The following NKAIN3 variants were observed in gnomAD, a reference collection of about 807,000 sequenced individuals.
The protein encoded by NKAIN3 is sodium/potassium-transporting ATPase subunit beta-1-interacting protein 3.
In NKAIN3, 25 loss-of-function variants were observed where a neutral mutation model predicts 30.2. The ratio of observed to expected loss-of-function variants is 0.83; its 90% CI spans 0.60 to 1.16. NKAIN3 has a LOEUF of 1.16. NKAIN3 is among the 50% of genes most tolerant of loss of function. The pLI is 0.00. For synonymous variants in NKAIN3, 91 were observed against 89.6 expected (o/e 1.02, Z -0.09); for missense variants, 225 against 254.1 (o/e 0.89, Z 0.78).
intron 1 of NKAIN3, among the ~76,000 whole-genome samples, chr8:62,389,333 C>T (rs13275373): frequency 0.6 from 90,591 of 151,920 alleles, 28,329 homozygotes; most frequent in East Asian, 0.68. Flanking sequence ...TTATTTGTGG[C>T]GAGAAAATTT....
chr8:62,991,222 G>A (rs1824313695), intron 5 of NKAIN3, among the ~76,000 whole-genome samples: 1 of 152,192 alleles, frequency 6.6e-6, no homozygotes, highest in Non-Finnish European at 1.5e-5. Flanking sequence ...GAGCCTTGTA[G>A]ATCAAGGCAA....
At chr8:62,875,038 C>T (rs1820752620) in intron 4 of NKAIN3, among the ~76,000 whole-genome samples, 1 of 152,154 alleles carries the variant, frequency 6.6e-6, no homozygotes, top group Non-Finnish European at 1.5e-5. Context: ...TCTCTGTTTG[C>T]AGACAACATG....
chr8:62,508,468 C>T (rs1174429678), intron 1 of NKAIN3, among the ~76,000 whole-genome samples: 1 of 152,144 alleles, frequency 6.6e-6, no homozygotes, highest in Non-Finnish European at 1.5e-5. Context: ...TCCCATTCAC[C>T]CTCAAGTTAG....
chr8:62,284,832 T>G (rs916520642), intron 1 of NKAIN3, among the ~76,000 whole-genome samples: 12 of 152,024 alleles, frequency 7.9e-5, no homozygotes, highest in Admixed American at 2.6e-4. Flanking sequence ...ATTACCTAAA[T>G]GCAGGTGAAC....
intron 1 of NKAIN3, among the ~76,000 whole-genome samples, chr8:62,285,598 G>C (rs1295625223): frequency 6.6e-6 from 1 of 152,112 alleles, no homozygotes; most frequent in Non-Finnish European, 1.5e-5. Context: ...GTTTTCCTCA[G>C]AGTGACTCTC....
At chr8:62,444,977 C>T (rs557949578) in intron 1 of NKAIN3, among the ~76,000 whole-genome samples, 6 of 152,090 alleles carry the variant, frequency 3.9e-5, no homozygotes, top group South Asian at 4.1e-4. Context: ...GACAGAGTCT[C>T]GCTCTGTCAC....
In NKAIN3 at chr8:62,742,765, A is replaced by G. The variant is rs1338937287; in HGVS notation, c.274-4167A>G. Among the ~76,000 whole-genome samples, 2 of 152,230 alleles carry G rather than the reference A, an allele frequency of 1.3e-5. 1 individual carries two copies. The highest frequency in any genetic ancestry group is 2.9e-5 in the Non-Finnish European group (2 of 68,032). On this transcript the variant is annotated intron_variant, in intron 3 of 6. Coordinates refer to ENST00000623646, the MANE Select transcript of NKAIN3 (RefSeq NM_001304533.3). ...TTGATTTATGGTTTAGCATTAACCCATTGTATTAGTCTGTTCTCACACTGC... is the reference window on the plus strand; with the variant it reads ...TTGATTTATGGTTTAGCATTAACCCGTTGTATTAGTCTGTTCTCACACTGC...
intron 1 of NKAIN3, among the ~76,000 whole-genome samples, chr8:62,459,649 G>T (rs534642522): frequency 6.6e-6 from 1 of 152,308 alleles, no homozygotes; most frequent in East Asian, 1.9e-4. Context: ...CTTTAGTAAG[G>T]TCAAGAAAAG....
chr8:62,753,610 G>A (rs1385333188), intron 4 of NKAIN3, among the ~76,000 whole-genome samples: 1 of 152,036 alleles, frequency 6.6e-6, no homozygotes, highest in Non-Finnish European at 1.5e-5. Context: ...CCTGATGTAT[G>A]CAAGTTAACT....
At chr8:62,895,913 G>T (rs984437309) in intron 4 of NKAIN3, among the ~76,000 whole-genome samples, 1 of 151,846 alleles carries the variant, frequency 6.6e-6, no homozygotes, top group African/African-American at 2.4e-5. Flanking sequence ...TCTCAAATGA[G>T]CCTCACTTGT....
Position 62,723,276 on chromosome 8 carries a change from A to G in NKAIN3, c.274-23656A>G, listed in dbSNP as rs143907387. 1.8e-4 allele frequency among the ~76,000 whole-genome samples: 27 copies of G among 152,260 alleles called. No homozygotes were observed. In the East Asian group the frequency reaches 5.2e-3, roughly 29 times the overall value. The stretch of plus-strand genomic sequence containing the variant: ...TACCTAAGTTGAAAAATAAGCATAT[A>G]TTCTTCCCAGGTGGTAAATTTAACA... On this transcript the variant is annotated intron_variant, in intron 3 of 6. Transcript: ENST00000623646.
intron 3 of NKAIN3, among the ~76,000 whole-genome samples, chr8:62,662,399 A>G (rs1007583094): frequency 1.6e-4 from 24 of 152,300 alleles, no homozygotes; most frequent in African/African-American, 5.8e-4. Context: ...CTTCTCTTGA[A>G]AGTGCACGTC....
chr8:62,826,863 T>C (rs1411763309), intron 4 of NKAIN3, among the ~76,000 whole-genome samples: 1 of 152,220 alleles, frequency 6.6e-6, no homozygotes, highest in Non-Finnish European at 1.5e-5. Context: ...ACTATAGTCA[T>C]TGTTTCAAAT....
rs143733242 is a variant in NKAIN3, at chr8:62,360,944, T to C, written c.54+111817T>C. 2.6e-5 allele frequency among the ~76,000 whole-genome samples: 4 copies of C among 152,152 alleles called. No individual in the cohort carries two copies. The East Asian group carries it at 7.7e-4, about 29-fold the overall frequency. ...TTGTCAGAAACTGGGTTTTGTTTTATCTTCCTATTATGAAAGAGGGAATGA... is the reference window on the plus strand; with the variant it reads ...TTGTCAGAAACTGGGTTTTGTTTTACCTTCCTATTATGAAAGAGGGAATGA... On this transcript the variant is annotated intron_variant, in intron 1 of 6. Transcript: ENST00000623646.
At chr8:62,718,307 G>T (rs1473349252) in intron 3 of NKAIN3, among the ~76,000 whole-genome samples, 1 of 152,026 alleles carries the variant, frequency 6.6e-6, no homozygotes, top group Non-Finnish European at 1.5e-5. Flanking sequence ...ATAAACAGAA[G>T]GATTATTTAT....
At chr8:62,590,952 G>A (rs996331972) in intron 3 of NKAIN3, among the ~76,000 whole-genome samples, 3 of 151,836 alleles carry the variant, frequency 2.0e-5, no homozygotes, top group Non-Finnish European at 2.9e-5. Context: ...TTGTGCTAGC[G>A]ATTGTAGTTC....
intron 3 of NKAIN3, among the ~76,000 whole-genome samples, chr8:62,699,371 G>T (rs180785556): frequency 1.3e-5 from 2 of 152,254 alleles, no homozygotes; most frequent in East Asian, 1.9e-4. Flanking sequence ...AACTTTGAAT[G>T]ATGACCAATT....
intron 5 of NKAIN3, among the ~76,000 whole-genome samples, chr8:62,918,912 C>A (rs1322871012): frequency 6.7e-6 from 1 of 149,464 alleles, no homozygotes; most frequent in Admixed American, 6.7e-5. Context: ...TAATACATTA[C>A]AGAAAGATCT....
At chr8:62,312,367 A>G (rs1390704629) in intron 1 of NKAIN3, among the ~76,000 whole-genome samples, 1 of 150,692 alleles carries the variant, frequency 6.6e-6, no homozygotes, top group Non-Finnish European at 1.5e-5. Flanking sequence ...TAAGCAAAAA[A>G]TATTGATGAG....
Sources: allele counts gnomAD v4.1 joint callset (sites outside exome capture counted in the v4.1 genomes callset), GRCh38; gene constraint gnomAD v4.1.1; transcripts MANE v1.5; gene names NCBI Gene and HGNC (gene_info 2026-07-23, HGNC 2026-07-21).